The following GIPC2 variants were observed in gnomAD, a reference collection of about 807,000 sequenced individuals.
GIPC2 encodes the protein GIPC PDZ domain containing family member 2.
GIPC2 carries 30 observed loss-of-function variants against 30.6 expected under a neutral mutation model. That is an observed-to-expected ratio of 0.98 (90% CI 0.73 to 1.33). The LOEUF is 1.33. GIPC2 is among the 40% of genes most tolerant of loss of function. The pLI, the probability that GIPC2 is intolerant of heterozygous loss-of-function variation, is 0.00. For synonymous variants in GIPC2, 167 were observed against 150.0 expected (o/e 1.11, Z -0.83); for missense variants, 414 against 390.3 (o/e 1.06, Z -0.51).
intron 2 of GIPC2, among the ~76,000 whole-genome samples, chr1:78,085,052 C>A (rs891244314): frequency 6.6e-6 from 1 of 152,040 alleles, no homozygotes; most frequent in Non-Finnish European, 1.5e-5. Context: ...TTTTTCCATT[C>A]AGTATAATGT....
At chr1:78,110,972 A>T (rs1311220261) in intron 3 of GIPC2, among the ~76,000 whole-genome samples, 1 of 152,198 alleles carries the variant, frequency 6.6e-6, no homozygotes, top group Non-Finnish European at 1.5e-5. Context: ...TGAAAAAAAT[A>T]AGCATTCCTG....
intron 1 of GIPC2, among the ~76,000 whole-genome samples, chr1:78,047,395 G>A (rs1020120650): frequency 2.6e-5 from 4 of 152,156 alleles, no homozygotes; most frequent in African/African-American, 9.7e-5. Flanking sequence ...AAGAGGAGAC[G>A]AAAGAGAGCT....
intron 2 of GIPC2, among the ~76,000 whole-genome samples, chr1:78,088,647 C>T (rs1332566614): frequency 6.6e-6 from 1 of 152,034 alleles, no homozygotes; most frequent in African/African-American, 2.4e-5. Flanking sequence ...TAGAAAATCC[C>T]TTAACCCCAA....
chr1:78,132,914 CTTAATAAAT>C (rs1229132054), intron 5 of GIPC2, among the ~76,000 whole-genome samples: 1 of 152,088 alleles, frequency 6.6e-6, no homozygotes, highest in Non-Finnish European at 1.5e-5. Context: ...AGGTAGTTGT[CTTAATAAAT>C]GCTACCTGTA....
intron 1 of GIPC2, among the ~76,000 whole-genome samples, chr1:78,057,301 C>T (rs543318276): frequency 3.9e-5 from 6 of 152,142 alleles, no homozygotes; most frequent in African/African-American, 7.2e-5. Flanking sequence ...ATGGCTGGGA[C>T]TATCTGTGAG....
chr1:78,064,056 T>C (rs1202571611), intron 1 of GIPC2, among the ~76,000 whole-genome samples: 1 of 152,222 alleles, frequency 6.6e-6, no homozygotes, highest in Non-Finnish European at 1.5e-5. Flanking sequence ...TGTTTTATGT[T>C]ACAAATCCAA....
chr1:78,053,817 G>C (rs140324395), intron 1 of GIPC2, among the ~76,000 whole-genome samples: 21 of 148,366 alleles, frequency 1.4e-4, no homozygotes, highest in African/African-American at 5.2e-4. Flanking sequence ...TGTAGTCCCA[G>C]TATTCAGGAG....
intron 3 of GIPC2, among the ~76,000 whole-genome samples, chr1:78,105,784 A>G (rs1429429741): frequency 1.3e-5 from 2 of 152,246 alleles, no homozygotes; most frequent in African/African-American, 4.8e-5. Flanking sequence ...GAAAACAGCA[A>G]TTATATAAAT....
chr1:78,100,953 C>T lies in GIPC2; in HGVS notation c.607+5821C>T, dbSNP rs1214612118. On this transcript the variant is annotated intron_variant, in intron 3 of 5. Transcript: ENST00000370759. Reference sequence around the variant, plus strand: ...AAAAAAAAAAAAATACACACACACACACACACACACACACACACACACACA... The same window carrying T: ...AAAAAAAAAAAAATACACACACACATACACACACACACACACACACACACA... 5.8e-3 allele frequency among the ~76,000 whole-genome samples: 797 copies of T among 138,370 alleles called. 7 individuals are homozygous for T. Among genetic ancestry groups the T allele is most frequent in the Non-Finnish European group, 8.5e-3 (566 of 66,614 alleles). The allele number at this position is 138,370 out of a possible 152,430, so 90.8% of individuals were successfully genotyped here.
At chr1:78,047,759 T>TAAAC (rs1193399758) in intron 1 of GIPC2, among the ~76,000 whole-genome samples, 1 of 152,212 alleles carries the variant, frequency 6.6e-6, no homozygotes, top group Non-Finnish European at 1.5e-5. Flanking sequence ...CGTATCAGAT[T>TAAAC]GCATAGTTTA....
Position 78,046,142 on chromosome 1 carries a change from C to T in GIPC2, c.48C>T (p.Thr16=). 2 of 1,535,056 alleles carry T rather than the reference C, an allele frequency of 1.3e-6. No homozygotes were observed. The highest frequency in any genetic ancestry group is 1.2e-5 in the South Asian group (1 of 81,996). Residue 16 remains threonine, a synonymous_variant, in exon 1 of 6, where the codon ACC becomes ACT. Coordinates refer to ENST00000370759, the MANE Select transcript of GIPC2 (RefSeq NM_017655.6). Reference sequence around the variant, plus strand: ...AGAAGAAGGCCAAGTCCAAGGAGACCGCCGGGCTGGTGGAGGGCGAGCCGA... The same window carrying T: ...AGAAGAAGGCCAAGTCCAAGGAGACTGCCGGGCTGGTGGAGGGCGAGCCGA... ...RGKKKAKSKE[T]AGLVEGEPTG...
At chr1:78,068,864 A>G (rs901005178) in intron 1 of GIPC2, among the ~76,000 whole-genome samples, 3 of 152,342 alleles carry the variant, frequency 2.0e-5, no homozygotes, top group Middle Eastern at 3.4e-3. Flanking sequence ...GACTGGAGCC[A>G]GGAGACTGGT....
At chr1:78,061,659 C>T (rs942451859) in intron 1 of GIPC2, among the ~76,000 whole-genome samples, 5 of 86,652 alleles carry the variant, frequency 5.8e-5, no homozygotes, top group East Asian at 1.9e-4. Context: ...AGCCACCAAG[C>T]CCAGCTAATT....
rs536060085 is a variant in GIPC2 at position 78,046,028 on chromosome 1, C to G, written c.-67C>G. 2.8e-5 allele frequency: 39 copies of G among 1,398,630 alleles called. No individual in the cohort carries two copies. The highest frequency in any genetic ancestry group is 2.6e-4 in the Middle Eastern group (1 of 3,786). The allele number at this position is 1,398,630 out of a possible 1,614,324, so 86.6% of individuals were successfully genotyped here. ...CTGCGCGGGGCCCGGGGCGCAAAGT[C>G]CGAGGCGCCGGGGGGAGGAGGCGGC... On this transcript the variant is annotated 5_prime_UTR_variant, in exon 1 of 6. Coordinates refer to ENST00000370759, the MANE Select transcript of GIPC2 (RefSeq NM_017655.6).
At chr1:78,065,703 A>G (rs1240439184) in intron 1 of GIPC2, among the ~76,000 whole-genome samples, 3 of 152,228 alleles carry the variant, frequency 2.0e-5, no homozygotes, top group African/African-American at 7.2e-5. Flanking sequence ...CAATAGATAT[A>G]TAGACCAATG....
intron 3 of GIPC2, among the ~76,000 whole-genome samples, chr1:78,101,560 C>T (rs1662250496): frequency 1.3e-5 from 2 of 152,084 alleles, no homozygotes. Context: ...CAGAAAAAAA[C>T]ATTTGAAAGC....
At chr1:78,096,969 G>A (rs544297221) in intron 3 of GIPC2, among the ~76,000 whole-genome samples, 3 of 152,192 alleles carry the variant, frequency 2.0e-5, no homozygotes, top group South Asian at 2.1e-4. Flanking sequence ...AGTGTGAGGG[G>A]TTTCTTTCTT....
intron 1 of GIPC2, among the ~76,000 whole-genome samples, chr1:78,061,878 A>G (rs894031619): frequency 2.6e-5 from 4 of 152,184 alleles, no homozygotes; most frequent in African/African-American, 9.7e-5. Context: ...CGGCCTCCCA[A>G]AGTGCTGAGA....
chr1:78,095,792 G>A (rs971942794), intron 3 of GIPC2, among the ~76,000 whole-genome samples: 1 of 151,982 alleles, frequency 6.6e-6, no homozygotes, highest in Non-Finnish European at 1.5e-5. Flanking sequence ...GCCAAACCAA[G>A]GCCTAGCATT....
Sources: allele counts gnomAD v4.1 joint callset (sites outside exome capture counted in the v4.1 genomes callset), GRCh38; gene constraint gnomAD v4.1.1; transcripts MANE v1.5; gene names NCBI Gene and HGNC (gene_info 2026-07-23, HGNC 2026-07-21).